Variants in VWA8 observed in about 807,000 individuals in gnomAD.
VWA8 encodes the protein von Willebrand factor A domain containing 8.
A neutral mutation model predicts 241.5 loss-of-function variants in VWA8; 221 were observed. The observed-to-expected ratio is 0.91, with a 90% confidence interval of 0.82 to 1.02. VWA8 has a LOEUF of 1.02. VWA8 is among the 50% of genes least tolerant of loss of function. The probability of loss-of-function intolerance (pLI) is 0.00; values close to 1 mark genes in which losing one functional copy is unlikely to be tolerated. For synonymous variants in VWA8, 852 were observed against 827.1 expected (o/e 1.03, Z -0.52); for missense variants, 2,322 against 2,328.7 (o/e 1.00, Z 0.06).
chr13:41,820,779 C>T (rs931098913), intron 14 of VWA8, among the ~76,000 whole-genome samples: 2 of 152,130 alleles, frequency 1.3e-5, no homozygotes, highest in African/African-American at 4.8e-5. Context: ...AAACTGGACA[C>T]AGAAAATCCT....
In VWA8 at chr13:41,846,557, ATGT is replaced by A. The variant is rs1466171812; in HGVS notation, c.1426-13029_1426-13027del. 2.0e-5 allele frequency among the ~76,000 whole-genome samples: 3 copies of A among 152,346 alleles called. No homozygotes were observed. In the East Asian group the frequency reaches 5.8e-4, roughly 29 times the overall value. On this transcript the variant is annotated intron_variant, in intron 12 of 44. Coordinates refer to ENST00000379310, the MANE Select transcript of VWA8 (RefSeq NM_015058.2). ...TCAAGTGAAGAAACAAACTATAAAT[ATGT>A]TCAAATTTTAATATAACAATAAGTC...
At chr13:41,781,320 T>G (rs1868875757) in intron 19 of VWA8, among the ~76,000 whole-genome samples, 1 of 152,164 alleles carries the variant, frequency 6.6e-6, no homozygotes, top group Non-Finnish European at 1.5e-5. Flanking sequence ...AATGAGCTAT[T>G]GTCTCATATA....
intron 37 of VWA8, among the ~76,000 whole-genome samples, chr13:41,631,288 G>A (rs2044725221): frequency 6.6e-6 from 1 of 152,156 alleles, no homozygotes; most frequent in South Asian, 2.1e-4. Context: ...CCAGAGTGCT[G>A]TGCTTACAGG....
intron 21 of VWA8, among the ~76,000 whole-genome samples, chr13:41,734,666 T>C (rs982965003): frequency 2.0e-5 from 3 of 152,236 alleles, no homozygotes; most frequent in Non-Finnish European, 2.9e-5. Context: ...TCTGGGATTC[T>C]GACCTATTGC....
chr13:41,693,070 G>A (rs1471936277), intron 29 of VWA8, 98 bp from the exon 30 acceptor site: 1 of 711,278 alleles, frequency 1.4e-6, no homozygotes, highest in African/African-American at 1.9e-5. Flanking sequence ...GAAGGTTATA[G>A]TGATAAATCA....
At chr13:41,918,875 A>G (rs1299986327) in intron 2 of VWA8, among the ~76,000 whole-genome samples, 1 of 152,198 alleles carries the variant, frequency 6.6e-6, no homozygotes, top group Non-Finnish European at 1.5e-5. Flanking sequence ...CAAGCCATAC[A>G]AAGTGTGTTC....
intron 36 of VWA8, among the ~76,000 whole-genome samples, chr13:41,672,174 G>A (rs2045030414): frequency 6.6e-6 from 1 of 152,118 alleles, no homozygotes; most frequent in African/African-American, 2.4e-5. Context: ...CATTTCGACT[G>A]CATTTGTATG....
At chr13:41,856,333 T>TTAAAA (rs1872747594) in intron 12 of VWA8, among the ~76,000 whole-genome samples, 3 of 151,860 alleles carry the variant, frequency 2.0e-5, no homozygotes, top group Non-Finnish European at 4.4e-5. Context: ...GAGACTTTGA[T>TTAAAA]CAAAACAAAA....
chr13:41,811,861 A>G (rs1870487394), intron 16 of VWA8, among the ~76,000 whole-genome samples: 1 of 152,192 alleles, frequency 6.6e-6, no homozygotes, highest in Non-Finnish European at 1.5e-5. Context: ...TGCTGTCAGA[A>G]TACTTTCACT....
At chr13:41,883,535 T>G (rs1874368472) in intron 8 of VWA8, 44 bp from the exon 9 acceptor site, 1 of 1,427,274 alleles carries the variant, frequency 7.0e-7, no homozygotes, top group African/African-American at 1.4e-5. Context: ...AAATTCAAAA[T>G]AATCACAGAA....
chr13:41,886,060 T>G, intron 7 of VWA8, 32 bp from the exon 8 acceptor site: 1 of 1,392,862 alleles, frequency 7.2e-7, no homozygotes, highest in Non-Finnish European at 9.8e-7. Flanking sequence ...ATTTTAATAG[T>G]TTTAAAATAT....
chr13:41,643,640 C>T (rs961266627), intron 37 of VWA8, among the ~76,000 whole-genome samples: 1 of 152,178 alleles, frequency 6.6e-6, no homozygotes, highest in Non-Finnish European at 1.5e-5. Context: ...TTAATGAACG[C>T]CAGTGTAGTT....
chr13:41,871,415 A>C (rs912948500), intron 9 of VWA8, among the ~76,000 whole-genome samples: 3 of 152,126 alleles, frequency 2.0e-5, no homozygotes, highest in Non-Finnish European at 4.4e-5. Context: ...CTAACTCGTC[A>C]TCTAGCATTA....
chr13:41,733,080 GT>G (rs1160869036), intron 21 of VWA8, among the ~76,000 whole-genome samples: 1 of 152,122 alleles, frequency 6.6e-6, no homozygotes, highest in Non-Finnish European at 1.5e-5. Flanking sequence ...CAATTGTGTT[GT>G]TTTGACTATC....
chr13:41,914,313 T>C (rs1222826984), intron 2 of VWA8, among the ~76,000 whole-genome samples: 1 of 152,168 alleles, frequency 6.6e-6, no homozygotes, highest in East Asian at 1.9e-4. Context: ...GAAAAGTAGA[T>C]TGAAAAATAC....
chr13:41,910,662 A>G (rs1875952160), intron 3 of VWA8, among the ~76,000 whole-genome samples: 1 of 152,076 alleles, frequency 6.6e-6, no homozygotes. Flanking sequence ...GCATTCTTAG[A>G]TAAGACACTT....
At chr13:41,951,092 G>A (rs1213383193) in intron 1 of VWA8, among the ~76,000 whole-genome samples, 1 of 152,112 alleles carries the variant, frequency 6.6e-6, no homozygotes, top group Non-Finnish European at 1.5e-5. Context: ...ATTTCTAGGT[G>A]CATAAAAGGA....
In VWA8 at chr13:41,671,160, A is replaced by G; in HGVS notation, c.4410-13T>C. 6.2e-7 allele frequency: 1 copy of G among 1,613,378 alleles called. No individual in the cohort carries two copies. Among genetic ancestry groups the G allele is most frequent in the Non-Finnish European group, 8.5e-7 (1 of 1,179,510 alleles). On this transcript the variant is annotated splice_polypyrimidine_tract_variant and intron_variant, in intron 36 of 44. Transcript: ENST00000379310. ...GAGAGATTCTGATCTGGAAAAAGGA[A>G]TCCAAGTGAAGCTAAGAGACCACAA...
intron 2 of VWA8, among the ~76,000 whole-genome samples, chr13:41,948,312 A>G (rs1341456144): frequency 6.6e-6 from 1 of 152,216 alleles, no homozygotes; most frequent in Non-Finnish European, 1.5e-5. Flanking sequence ...ACAAATCTAT[A>G]GAAACAGAAA....
Sources: gnomAD v4.1 joint callset for allele counts (sites outside exome capture counted in the v4.1 genomes callset) on GRCh38, gnomAD v4.1.1 for gene constraint, MANE v1.5 for transcripts, NCBI Gene and HGNC (gene_info 2026-07-23, HGNC 2026-07-21) for gene names.